HIPK2: variants seen among roughly 807,000 people sequenced by gnomAD.
HIPK2 encodes the protein homeodomain-interacting protein kinase 2.
Under a neutral mutation model 113.7 loss-of-function variants are expected in HIPK2, and 27 were observed. That is an observed-to-expected ratio of 0.24 (90% CI 0.17 to 0.33). The LOEUF (loss-of-function observed/expected upper bound fraction) is 0.33, where lower values mean the gene tolerates loss of function less well. Among genes scored for constraint, HIPK2 ranks in the 10% least tolerant of loss-of-function variants. The pLI is 1.00. For missense variants in HIPK2, 1,257 were observed against 1,588.0 expected (o/e 0.79, Z 3.54); for synonymous variants, 631 against 642.2 (o/e 0.98, Z 0.26).
At chr7:139,766,847 T>G (rs1372734456) in intron 1 of HIPK2, among the ~76,000 whole-genome samples, 1 of 152,304 alleles carries the variant, frequency 6.6e-6, no homozygotes, top group South Asian at 2.1e-4. Context: ...TTTGGCCCAT[T>G]TTATTCTGGG....
At chr7:139,642,599 T>C (rs1018387738) in intron 2 of HIPK2, among the ~76,000 whole-genome samples, 26 of 152,280 alleles carry the variant, frequency 1.7e-4, no homozygotes, top group African/African-American at 3.6e-4. Flanking sequence ...TAGATGGCCA[T>C]TGAGGTGAGC....
At chr7:139,667,441 A>G (rs1802086813) in intron 2 of HIPK2, among the ~76,000 whole-genome samples, 3 of 152,352 alleles carry the variant, frequency 2.0e-5, no homozygotes, top group Admixed American at 2.0e-4. Context: ...TGGGGATATG[A>G]TTTGAAAAAC....
chr7:139,645,340 G>A (rs982570586), intron 2 of HIPK2, among the ~76,000 whole-genome samples: 7 of 152,148 alleles, frequency 4.6e-5, no homozygotes, highest in African/African-American at 1.2e-4. Context: ...GTCACCAGCC[G>A]GAGACATACC....
intron 6 of HIPK2, among the ~76,000 whole-genome samples, chr7:139,621,469 G>A (rs1800230855): frequency 6.6e-6 from 1 of 152,216 alleles, no homozygotes; most frequent in Non-Finnish European, 1.5e-5. Flanking sequence ...AAGTATAAAA[G>A]TGGTGCTGAA....
chr7:139,717,114 C>G (rs1386730560), intron 1 of HIPK2, 99 bp from the exon 2 acceptor site: 1 of 1,386,792 alleles, frequency 7.2e-7, no homozygotes, highest in Non-Finnish European at 9.7e-7. Flanking sequence ...TTGGGCCATA[C>G]AGAATATATT....
At chr7:139,694,588 GT>G (rs552353632) in intron 2 of HIPK2, among the ~76,000 whole-genome samples, 65 of 152,270 alleles carry the variant, frequency 4.3e-4, no homozygotes, top group African/African-American at 1.4e-3. Context: ...ACCTGCCAAG[GT>G]TCACTGATTG....
intron 2 of HIPK2, among the ~76,000 whole-genome samples, chr7:139,669,374 A>T (rs1052283564): frequency 6.6e-6 from 1 of 152,264 alleles, no homozygotes; most frequent in African/African-American, 2.4e-5. Flanking sequence ...GACTGTACAT[A>T]ATTAAAGGCA....
At chr7:139,682,535 T>A (rs1479693784) in intron 2 of HIPK2, among the ~76,000 whole-genome samples, 1 of 152,114 alleles carries the variant, frequency 6.6e-6, no homozygotes, top group African/African-American at 2.4e-5. Flanking sequence ...GCCTGTGCCC[T>A]CCTCTGGGTC....
rs1798352284 is a variant in HIPK2, at chr7:139,573,037, A to G, written c.3487T>C (p.Tyr1163His). 6.2e-7 allele frequency: 1 copy of G among 1,612,430 alleles called. No homozygotes were observed. Among genetic ancestry groups the G allele is most frequent in the Non-Finnish European group, 8.5e-7 (1 of 1,179,434 alleles). Residue 1163 changes from tyrosine (Y) to histidine (H), a missense_variant, in exon 15 of 15, where the codon TAT becomes CAT. Transcript: ENST00000406875. ...GTCTGGTGGGCAAATTGGGCTGGAT[A>G]CTGACTCGGGTGGATGGTGGGCGAG... ...LPSPTIHPSQ[Y>H]PAQFAHQTYI...
chr7:139,664,659 G>A (rs895347063), intron 2 of HIPK2, among the ~76,000 whole-genome samples: 10 of 152,122 alleles, frequency 6.6e-5, no homozygotes, highest in Non-Finnish European at 1.0e-4. Flanking sequence ...GGCCACCTCC[G>A]CTGGTCTCTT....
At chr7:139,734,567 C>A (rs973835620) in intron 1 of HIPK2, among the ~76,000 whole-genome samples, 4 of 152,196 alleles carry the variant, frequency 2.6e-5, no homozygotes, top group African/African-American at 9.7e-5. Flanking sequence ...CTCCATGACG[C>A]CACGGTTGTG....
At chr7:139,729,113 C>G (rs763352769) in intron 1 of HIPK2, among the ~76,000 whole-genome samples, 12 of 152,068 alleles carry the variant, frequency 7.9e-5, no homozygotes, top group Non-Finnish European at 1.5e-4. Flanking sequence ...TGCTTGAGCC[C>G]AGAAGTTCAA....
Position 139,613,588 on chromosome 7 carries a change from T to G in HIPK2, c.1991-265A>C, listed in dbSNP as rs764243814. ...TGTAAGGCCAAAAGTAGGACAGATA[T>G]GCTCGCAGATTACAACAGGAAAACA... On this transcript the variant is annotated intron_variant, in intron 8 of 14. Transcript: ENST00000406875. This position sits in a 1 kb window ranked among gnomAD's most constrained non-coding sequence, Gnocchi z 4.2. Among the ~76,000 whole-genome samples the G allele has an allele frequency of 6.6e-6, 1 of 152,218 alleles. No homozygotes were observed. The highest frequency in any genetic ancestry group is 2.4e-5 in the African/African-American group (1 of 41,442).
intron 1 of HIPK2, among the ~76,000 whole-genome samples, chr7:139,750,000 C>G (rs765728730): frequency 6.6e-6 from 1 of 152,218 alleles, no homozygotes; most frequent in Non-Finnish European, 1.5e-5. Flanking sequence ...CATCGCTGAC[C>G]GCTCTCCAAC....
chr7:139,658,371 T>C (rs1016202758), intron 2 of HIPK2, among the ~76,000 whole-genome samples: 7 of 151,972 alleles, frequency 4.6e-5, no homozygotes, highest in Admixed American at 2.6e-4. Flanking sequence ...ACAAACTTCA[T>C]TGTATGTTTA....
chr7:139,764,217 TACA>T, intron 1 of HIPK2, among the ~76,000 whole-genome samples: 1 of 152,224 alleles, frequency 6.6e-6, no homozygotes. Flanking sequence ...TCTACCAACA[TACA>T]ACATTATTAC....
chr7:139,736,788 T>C (rs902114257), intron 1 of HIPK2, among the ~76,000 whole-genome samples: 1 of 152,240 alleles, frequency 6.6e-6, no homozygotes, highest in Non-Finnish European at 1.5e-5. Context: ...GGGTGCCTCA[T>C]GTTACGCATA....
chr7:139,647,939 T>C (rs937310285), intron 2 of HIPK2, among the ~76,000 whole-genome samples: 3 of 152,226 alleles, frequency 2.0e-5, no homozygotes, highest in African/African-American at 7.2e-5. Flanking sequence ...TAGGTCTTTG[T>C]ATGGTTGTAT....
intron 12 of HIPK2, among the ~76,000 whole-genome samples, chr7:139,590,409 A>T (rs1195317421): frequency 1.3e-5 from 2 of 152,234 alleles, no homozygotes; most frequent in African/African-American, 4.8e-5. Context: ...AGAAGATCAG[A>T]TATAACCTGT....
Sources: allele counts gnomAD v4.1 joint callset (sites outside exome capture counted in the v4.1 genomes callset), GRCh38; gene constraint gnomAD v4.1.1; non-coding constraint Gnocchi (gnomAD v3.1); transcripts MANE v1.5; gene names NCBI Gene and HGNC (gene_info 2026-07-23, HGNC 2026-07-21).